Variants in SDK1 observed in about 807,000 individuals in gnomAD.
SDK1 encodes sidekick cell adhesion molecule 1, also known as protein sidekick-1.
SDK1 carries 157 observed loss-of-function variants against 245.5 expected under a neutral mutation model. The ratio of observed to expected loss-of-function variants is 0.64; its 90% confidence interval spans 0.56 to 0.73. The LOEUF (loss-of-function observed/expected upper bound fraction) is 0.73. Ranked by LOEUF, SDK1 falls within the 30% of genes least tolerant of loss-of-function variation. The probability of loss-of-function intolerance (pLI) is 0.00; values close to 1 mark genes in which losing one functional copy is unlikely to be tolerated. For synonymous variants in SDK1, 1,647 were observed against 1,278.5 expected (o/e 1.29, Z -6.15); for missense variants, 3,583 against 3,002.3 (o/e 1.19, Z -4.52).
At chr7:3,684,016 G>C (rs958179973) in intron 4 of SDK1, among the ~76,000 whole-genome samples, 9 of 152,128 alleles carry the variant, frequency 5.9e-5, no homozygotes, top group Admixed American at 3.9e-4. Flanking sequence ...GAAAGGTAAT[G>C]TGCATCTCCA....
chr7:3,910,909 G>T (rs2128108752), intron 5 of SDK1, among the ~76,000 whole-genome samples: 1 of 152,288 alleles, frequency 6.6e-6, no homozygotes, highest in East Asian at 1.9e-4. Context: ...GTGGAGCAGG[G>T]TGGGCCTCTT....
In SDK1 at chr7:4,174,370, C is replaced by T. The variant is rs1328779926; in HGVS notation, c.4936+13C>T. 1.2e-6 allele frequency: 2 copies of T among 1,613,216 alleles called. No individual in the cohort carries two copies. The highest frequency in any genetic ancestry group is 2.7e-5 in the African/African-American group (2 of 74,926). ...GCTGAGCTCACAGGTGAGACTGTCC[C>T]CTCTGTCCTGGTACAGGGAGGGAGG... On this transcript the variant is annotated intron_variant, in intron 33 of 44. Transcript: ENST00000404826.
intron 12 of SDK1, among the ~76,000 whole-genome samples, chr7:3,972,910 C>T (rs1782603090): frequency 1.3e-5 from 2 of 152,184 alleles, no homozygotes; most frequent in South Asian, 2.1e-4. Flanking sequence ...TGAAAGACGA[C>T]CTAGGACCCC....
At chr7:3,865,858 T>G (rs926428103) in intron 5 of SDK1, among the ~76,000 whole-genome samples, 2 of 152,198 alleles carry the variant, frequency 1.3e-5, no homozygotes, top group African/African-American at 4.8e-5. Context: ...CCAAGATCAC[T>G]AGCACCAACA....
chr7:3,818,231 C>T (rs575949875), intron 4 of SDK1, among the ~76,000 whole-genome samples: 4 of 152,138 alleles, frequency 2.6e-5, no homozygotes, highest in Admixed American at 2.6e-4. Context: ...AAAGGAAAAT[C>T]TCTCAGGCCA....
chr7:3,821,569 A>G lies in SDK1; in HGVS notation c.833A>G (p.His278Arg). 6.2e-7 allele frequency: 1 copy of G among 1,613,558 alleles called. No homozygotes were observed. Among genetic ancestry groups the G allele is most frequent in the Non-Finnish European group, 8.5e-7 (1 of 1,179,820 alleles). ...NGENKTSPFI[H>R]LSIARDVGTP... ...GAAAACAAGACAAGCCCATTCATTC[A>G]TTTGAGCATAGCAAGTGAGTTTTGA... The change falls in exon 5 of 45, where the codon CAT (histidine) becomes CGT (arginine). Residue 278 changes from histidine (H) to arginine (R), a missense_variant. Physicochemically the swap from His to Arg is conservative, Grantham distance 29. Transcript: ENST00000404826.
intron 1 of SDK1, among the ~76,000 whole-genome samples, chr7:3,614,974 ATGTT>A (rs1410139122): frequency 1.3e-5 from 2 of 151,560 alleles, no homozygotes; most frequent in African/African-American, 2.4e-5. Flanking sequence ...TGGTATAGGC[ATGTT>A]TGTTTAACTA....
At chr7:4,063,453 G>A (rs1461822437) in intron 19 of SDK1, among the ~76,000 whole-genome samples, 1 of 151,916 alleles carries the variant, frequency 6.6e-6, no homozygotes, top group African/African-American at 2.4e-5. Context: ...CTAAGAAACT[G>A]AAGAAGACAC....
intron 14 of SDK1, among the ~76,000 whole-genome samples, chr7:3,989,437 G>A (rs1784126226): frequency 6.6e-6 from 1 of 152,170 alleles, no homozygotes; most frequent in Admixed American, 6.5e-5. Context: ...TGGGGACACA[G>A]GTGACCCACA....
intron 4 of SDK1, among the ~76,000 whole-genome samples, chr7:3,737,966 T>C (rs1779366624): frequency 6.6e-6 from 1 of 152,230 alleles, no homozygotes; most frequent in African/African-American, 2.4e-5. Context: ...TGGTTCTGCC[T>C]CATCCCCTTA....
intron 1 of SDK1, among the ~76,000 whole-genome samples, chr7:3,304,284 G>C (rs916349791): frequency 6.6e-6 from 1 of 152,210 alleles, no homozygotes; most frequent in Admixed American, 6.5e-5. Context: ...AAAAAGCCAA[G>C]TCTTTAATTC....
chr7:4,111,773 A>G (rs1220018255), intron 23 of SDK1, among the ~76,000 whole-genome samples: 1 of 152,204 alleles, frequency 6.6e-6, no homozygotes, highest in Non-Finnish European at 1.5e-5. Flanking sequence ...ATTTGGGGAA[A>G]CCTCTATAGT....
intron 1 of SDK1, among the ~76,000 whole-genome samples, chr7:3,487,672 T>C (rs1049794496): frequency 2.0e-5 from 3 of 147,884 alleles, no homozygotes; most frequent in East Asian, 3.9e-4. Flanking sequence ...GGAGGATCAG[T>C]TGATCCCAGG....
At chr7:3,926,989 T>C (rs535352488) in intron 5 of SDK1, among the ~76,000 whole-genome samples, 2 of 152,216 alleles carry the variant, frequency 1.3e-5, no homozygotes, top group Non-Finnish European at 2.9e-5. Context: ...AGGGCTTAAC[T>C]TGGGGGCCCG....
At chr7:3,633,496 C>G (rs899362538) in intron 2 of SDK1, among the ~76,000 whole-genome samples, 3 of 152,108 alleles carry the variant, frequency 2.0e-5, no homozygotes, top group South Asian at 2.1e-4. Context: ...GTGGCTCATA[C>G]TCAAGAGAAC....
At chr7:4,043,423 G>C (rs1484205492) in intron 17 of SDK1, among the ~76,000 whole-genome samples, 1 of 151,304 alleles carries the variant, frequency 6.6e-6, no homozygotes, top group Admixed American at 6.6e-5. Context: ...CAGGGGCTCA[G>C]GTAGAGTGAG....
At chr7:3,918,875 T>C (rs570148804) in intron 5 of SDK1, among the ~76,000 whole-genome samples, 396 of 152,290 alleles carry the variant, frequency 2.6e-3, no homozygotes, top group African/African-American at 9.0e-3. Context: ...CACTCTATTC[T>C]TCTCATGGAC....
intron 1 of SDK1, among the ~76,000 whole-genome samples, chr7:3,488,096 C>A (rs1290478786): frequency 6.6e-6 from 1 of 152,144 alleles, no homozygotes; most frequent in African/African-American, 2.4e-5. Context: ...CAGTTCAACT[C>A]TTGTGCAGAT....
chr7:3,773,727 G>T (rs1280039601), intron 4 of SDK1, among the ~76,000 whole-genome samples: 2 of 152,100 alleles, frequency 1.3e-5, no homozygotes, highest in African/African-American at 2.4e-5. Flanking sequence ...GTTGTTGTAG[G>T]CTGTTTCTGT....
Sources: allele counts gnomAD v4.1 joint callset (sites outside exome capture counted in the v4.1 genomes callset), GRCh38; gene constraint gnomAD v4.1.1; transcripts MANE v1.5; gene names NCBI Gene and HGNC (gene_info 2026-07-23, HGNC 2026-07-21).